Variants in ARHGEF6 observed in about 807,000 individuals in gnomAD.
ARHGEF6 encodes Rac/Cdc42 guanine nucleotide exchange factor 6, also known as rho guanine nucleotide exchange factor 6.
In ARHGEF6, 9 loss-of-function variants were observed where a neutral mutation model predicts 70.3. That is an observed-to-expected ratio of 0.13 (90% CI 0.08 to 0.22). The LOEUF (loss-of-function observed/expected upper bound fraction) is 0.22, where lower values mean the gene tolerates loss of function less well. ARHGEF6 is among the 10% of genes least tolerant of loss of function. The pLI, the probability that ARHGEF6 is intolerant of heterozygous loss-of-function variation, is 1.00. For missense variants in ARHGEF6, 470 were observed against 563.0 expected (o/e 0.83, Z 1.67); for synonymous variants, 201 against 207.8 (o/e 0.97, Z 0.28).
chrX:136,667,899 G>C lies in ARHGEF6; in HGVS notation c.*130C>G. 1 of 862,594 alleles carries C rather than the reference G, an allele frequency of 1.2e-6. No homozygotes were observed. Among genetic ancestry groups the C allele is most frequent in the Non-Finnish European group, 1.7e-6 (1 of 593,961 alleles). 71.1% of individuals were successfully genotyped at this position (862,594 alleles called of 1,213,427 possible). A position where few individuals can be genotyped will look rare whatever the true frequency, so the allele number is the denominator to read the frequency against. On this transcript the variant is annotated 3_prime_UTR_variant, in exon 22 of 22. Transcript: ENST00000250617. ...ACACAGCGGGGAGAGAAAGAGAAGA[G>C]AGAGGGAGAGAGAGAGAGAGACTCA...
In ARHGEF6 at chrX:136,687,943, T is replaced by C; in HGVS notation, c.1234A>G (p.Lys412Glu). 1 of 1,206,559 alleles carries C rather than the reference T, an allele frequency of 8.3e-7. No individual in the cohort carries two copies. The highest frequency in any genetic ancestry group is 1.1e-6 in the Non-Finnish European group (1 of 890,458). ...QDILKAIVAF[K>E]TLMGQCQDLR... ...AAAGCATCACCTACCATGAGAGTTT[T>C]GAATGCTACGATTGCTTTCAGAATA... Residue 412 changes from lysine to glutamate, a missense_variant, in exon 11 of 22, where the codon AAA becomes GAA. Lys to Glu is a moderately conservative substitution (Grantham distance 56, BLOSUM62 1). Coordinates refer to ENST00000250617, the MANE Select transcript of ARHGEF6 (RefSeq NM_004840.3).
At chrX:136,698,125 T>G (rs953587825) in intron 9 of ARHGEF6, among the ~76,000 whole-genome samples, 6 of 111,683 alleles carry the variant, frequency 5.4e-5, no homozygotes, top group Non-Finnish European at 1.1e-4. Context: ...AACTGAAATT[T>G]AAAATTTCAT....
At chrX:136,711,722 C>T (rs902106290) in intron 7 of ARHGEF6, among the ~76,000 whole-genome samples, 7 of 110,429 alleles carry the variant, frequency 6.3e-5, no homozygotes, top group African/African-American at 2.0e-4. Context: ...ACCACCAAGC[C>T]GAGCTAATTT....
At chrX:136,697,667 C>T (rs1308096067) in intron 9 of ARHGEF6, among the ~76,000 whole-genome samples, 1 of 112,170 alleles carries the variant, frequency 8.9e-6, no homozygotes, top group Non-Finnish European at 1.9e-5. Flanking sequence ...AAGAGCGATA[C>T]CAGAGATTGT....
chrX:136,676,785 A>G (rs753253928), intron 17 of ARHGEF6, 68 bp from the exon 18 acceptor site: 2 of 748,906 alleles, frequency 2.7e-6, no homozygotes, highest in Admixed American at 4.7e-5. Context: ...AGCATGAATG[A>G]AACTAAGTAG....
intron 2 of ARHGEF6, among the ~76,000 whole-genome samples, chrX:136,777,261 T>A (rs1288010363): frequency 9.1e-6 from 1 of 109,601 alleles, no homozygotes; most frequent in African/African-American, 3.3e-5. Context: ...AAACAAATAA[T>A]CCCATCAAAA....
At chrX:136,779,276 C>T in intron 2 of ARHGEF6, 138 bp downstream of exon 2, 2 of 575,431 alleles carry the variant, frequency 3.5e-6, no homozygotes, top group Non-Finnish European at 6.0e-6. Context: ...CAATCCATTA[C>T]TGGGGACCAC....
rs369773426 is a variant in ARHGEF6, at chrX:136,766,393, G to T, written c.249+13021C>A. Among the ~76,000 whole-genome samples, 459 of 61,499 alleles carry T rather than the reference G, an allele frequency of 7.5e-3. 1 individual carries two copies. The highest frequency in any genetic ancestry group is 0.021 in the Middle Eastern group (3 of 144). The allele number at this position is 61,499 out of a possible 115,157, so 53.4% of individuals were successfully genotyped here. A position where few individuals can be genotyped will look rare whatever the true frequency, so the allele number is the denominator to read the frequency against. The stretch of plus-strand genomic sequence containing the variant: ...TATCCTATTTTGTGAGGTTTTTTTT[G>T]GGGGGGGGTTATGCAAAGTTTTTAT... On this transcript the variant is annotated intron_variant, in intron 2 of 21. Coordinates refer to ENST00000250617, the MANE Select transcript of ARHGEF6 (RefSeq NM_004840.3).
At chrX:136,668,395 T>C (rs1334933284) in intron 21 of ARHGEF6, among the ~76,000 whole-genome samples, 5 of 110,808 alleles carry the variant, frequency 4.5e-5, no homozygotes, top group Non-Finnish European at 9.4e-5. Flanking sequence ...AACTTGCTTT[T>C]CACTTAGTGT....
chrX:136,707,104 C>T, intron 8 of ARHGEF6, 74 bp from the exon 9 acceptor site: 1 of 1,124,303 alleles, frequency 8.9e-7, no homozygotes. Context: ...TCCAATTAAA[C>T]CTGGCAGCAT....
chrX:136,672,444 G>T (rs1036465634), intron 19 of ARHGEF6, among the ~76,000 whole-genome samples: 1 of 111,598 alleles, frequency 9.0e-6, no homozygotes, highest in Non-Finnish European at 1.9e-5. Context: ...CCAGAGCAAA[G>T]AGCTGACCAG....
At chrX:136,768,924 A>G (rs1368792570) in intron 2 of ARHGEF6, among the ~76,000 whole-genome samples, 3 of 107,089 alleles carry the variant, frequency 2.8e-5, no homozygotes, top group African/African-American at 1.0e-4. Flanking sequence ...GGGGGCAGAG[A>G]AAAAAACATA....
rs369063268 is a variant in ARHGEF6 at position 136,725,373 on chromosome X, C to CA, written c.732+6728dup. On this transcript the variant is annotated intron_variant, in intron 6 of 21. Coordinates refer to ENST00000250617, the MANE Select transcript of ARHGEF6 (RefSeq NM_004840.3). The stretch of plus-strand genomic sequence containing the variant: ...TTTTTATCAAATTATGCCCCCCCCC[C>CA]AAAAAAAAACGTGAGTAGTAATATA... Among the ~76,000 whole-genome samples the CA allele has an allele frequency of 2.3e-3, 226 of 99,849 alleles. 1 individual carries two copies. Among genetic ancestry groups the CA allele is most frequent in the African/African-American group, 7.9e-3 (208 of 26,474 alleles). The allele number at this position is 99,849 out of a possible 115,157, so 86.7% of individuals were successfully genotyped here.
intron 9 of ARHGEF6, among the ~76,000 whole-genome samples, chrX:136,704,551 T>C (rs2076607466): frequency 9.0e-6 from 1 of 111,692 alleles, no homozygotes; most frequent in Non-Finnish European, 1.9e-5. Flanking sequence ...CCATTCCACA[T>C]GGCTGGGGAG....
intron 9 of ARHGEF6, among the ~76,000 whole-genome samples, chrX:136,703,962 T>C (rs2076602075): frequency 8.8e-6 from 1 of 113,025 alleles, no homozygotes; most frequent in Non-Finnish European, 1.9e-5. Flanking sequence ...ACTCACTTCA[T>C]TGCAATATTC....
intron 2 of ARHGEF6, among the ~76,000 whole-genome samples, chrX:136,758,502 C>T (rs1031249156): frequency 4.2e-4 from 47 of 110,841 alleles, no homozygotes; most frequent in African/African-American, 1.5e-3. Flanking sequence ...ACCTTGAAAG[C>T]CCAGTGAAAG....
chrX:136,681,144 A>C (rs779532160), intron 14 of ARHGEF6, among the ~76,000 whole-genome samples: 6 of 112,640 alleles, frequency 5.3e-5, no homozygotes, highest in Non-Finnish European at 1.1e-4. Context: ...ACTTCACCAT[A>C]AACAAACTTG....
At chrX:136,767,851 AGCAGCAGCAG>A in intron 2 of ARHGEF6, 1 of 618,578 alleles carries the variant, frequency 1.6e-6, no homozygotes, top group Non-Finnish European at 1.9e-6. Context: ...CAGCAGCAGC[AGCAGCAGCAG>A]CAGCAGCAGC....
At chrX:136,728,885 AG>A (rs1368562289) in intron 6 of ARHGEF6, among the ~76,000 whole-genome samples, 2 of 109,743 alleles carry the variant, frequency 1.8e-5, no homozygotes, top group Non-Finnish European at 3.8e-5. Flanking sequence ...TCTGGTTCCC[AG>A]GCCTTTGGAC....
Sources: allele counts gnomAD v4.1 joint callset (sites outside exome capture counted in the v4.1 genomes callset), GRCh38; gene constraint gnomAD v4.1.1; transcripts MANE v1.5; gene names NCBI Gene and HGNC (gene_info 2026-07-23, HGNC 2026-07-21).